IL1RAPL1: variants seen among roughly 807,000 people sequenced by gnomAD.
The protein encoded by IL1RAPL1 is interleukin-1 receptor accessory protein-like 1.
A neutral mutation model predicts 48.4 loss-of-function variants in IL1RAPL1; 3 were observed. The ratio of observed to expected loss-of-function variants is 0.06; its 90% CI spans 0.03 to 0.16. The LOEUF (loss-of-function observed/expected upper bound fraction) is 0.16. IL1RAPL1 is among the 10% of genes least tolerant of loss of function. The pLI, the probability that IL1RAPL1 is intolerant of heterozygous loss-of-function variation, is 1.00. For missense variants in IL1RAPL1, 349 were observed against 530.6 expected (o/e 0.66, Z 3.36); for synonymous variants, 185 against 187.7 (o/e 0.99, Z 0.12).
At chrX:29,917,406 C>T in intron 6 of IL1RAPL1, 58 bp from the exon 7 acceptor site, 3 of 1,109,168 alleles carry the variant, frequency 2.7e-6, no homozygotes, top group Non-Finnish European at 3.7e-6. Context: ...TGTCAGTTTG[C>T]CTAAAATAAG....
At chrX:29,841,707 C>G in intron 6 of IL1RAPL1, among the ~76,000 whole-genome samples, 1 of 111,244 alleles carries the variant, frequency 9.0e-6, no homozygotes, top group Non-Finnish European at 1.9e-5. Context: ...TTGGGTTACT[C>G]AGAACAATCG....
intron 1 of IL1RAPL1, among the ~76,000 whole-genome samples, chrX:28,733,136 TTA>T (rs759306785): frequency 1.9e-5 from 2 of 107,674 alleles, no homozygotes; most frequent in Non-Finnish European, 3.8e-5. Context: ...GCACACACAG[TTA>T]TATATATATA....
At chrX:28,622,087 G>T (rs1370090345) in intron 1 of IL1RAPL1, among the ~76,000 whole-genome samples, 1 of 111,095 alleles carries the variant, frequency 9.0e-6, no homozygotes, top group Non-Finnish European at 1.9e-5. Context: ...AGCTAGAAAA[G>T]TACTATAAGA....
intron 2 of IL1RAPL1, among the ~76,000 whole-genome samples, chrX:28,925,339 T>G (rs776081524): frequency 3.6e-5 from 4 of 111,709 alleles, no homozygotes; most frequent in Non-Finnish European, 7.5e-5. Flanking sequence ...ACTAAATCAT[T>G]CGTGATACAT....
intron 2 of IL1RAPL1, among the ~76,000 whole-genome samples, chrX:29,048,279 A>G (rs1163071853): frequency 8.9e-6 from 1 of 112,263 alleles, no homozygotes; most frequent in Non-Finnish European, 1.9e-5. Flanking sequence ...CCATCCTACT[A>G]ATAAATATGG....
chrX:29,349,824 C>T (rs1009904941), intron 3 of IL1RAPL1, among the ~76,000 whole-genome samples: 1 of 109,272 alleles, frequency 9.2e-6, no homozygotes, highest in Non-Finnish European at 1.9e-5. Context: ...TGGTGCTCAG[C>T]GGCAGTATAA....
At chrX:29,117,788 T>TA (rs971323064) in intron 2 of IL1RAPL1, among the ~76,000 whole-genome samples, 2 of 111,294 alleles carry the variant, frequency 1.8e-5, no homozygotes, top group African/African-American at 6.5e-5. Flanking sequence ...ACCCCAGTCA[T>TA]AATACCAGCC....
At chrX:29,915,892 CT>C (rs1932796538) in intron 6 of IL1RAPL1, among the ~76,000 whole-genome samples, 1 of 37,514 alleles carries the variant, frequency 2.7e-5, no homozygotes, top group South Asian at 2.5e-3. Context: ...AATGCTATCC[CT>C]CCCCCCTCCC....
At chrX:29,741,124 T>A (rs2079570092) in intron 6 of IL1RAPL1, among the ~76,000 whole-genome samples, 1 of 112,531 alleles carries the variant, frequency 8.9e-6, no homozygotes, top group Non-Finnish European at 1.9e-5. Context: ...CAGTTTTGCT[T>A]GAAATAAGAC....
chrX:29,916,899 ATG>A (rs762963289), intron 6 of IL1RAPL1, among the ~76,000 whole-genome samples: 1 of 111,899 alleles, frequency 8.9e-6, no homozygotes, highest in Non-Finnish European at 1.9e-5. Flanking sequence ...TTGTTTTTTA[ATG>A]TGTTTTTCTA....
chrX:29,608,563 A>G (rs922967510), intron 5 of IL1RAPL1, among the ~76,000 whole-genome samples: 20 of 111,349 alleles, frequency 1.8e-4, no homozygotes, highest in Admixed American at 1.7e-3. Context: ...GCGGTGGCTT[A>G]TGCCTGTAAT....
At chrX:29,449,534 TTGG>T (rs1934650824) in intron 5 of IL1RAPL1, among the ~76,000 whole-genome samples, 1 of 110,853 alleles carries the variant, frequency 9.0e-6, no homozygotes, top group Non-Finnish European at 1.9e-5. Context: ...TCATACCCAC[TTGG>T]TGGTCATTTT....
At chrX:28,817,129 C>T (rs189115037) in intron 2 of IL1RAPL1, among the ~76,000 whole-genome samples, 1 of 110,646 alleles carries the variant, frequency 9.0e-6, no homozygotes, top group Admixed American at 9.7e-5. Context: ...CTTCATGAAA[C>T]TTATAACCTC....
intron 3 of IL1RAPL1, among the ~76,000 whole-genome samples, chrX:29,332,640 AT>A (rs1254137995): frequency 4.2e-5 from 4 of 96,004 alleles, no homozygotes; most frequent in African/African-American, 1.8e-4. Context: ...TTATTTATTT[AT>A]TTATTTATTT....
intron 2 of IL1RAPL1, among the ~76,000 whole-genome samples, chrX:28,853,999 T>C (rs1270714285): frequency 1.8e-5 from 2 of 111,788 alleles, no homozygotes; most frequent in African/African-American, 6.5e-5. Context: ...GTGTGAAACA[T>C]GGAGGAACAC....
At chrX:29,642,787 C>T (rs575634739) in intron 5 of IL1RAPL1, among the ~76,000 whole-genome samples, 15 of 112,173 alleles carry the variant, frequency 1.3e-4, no homozygotes, top group South Asian at 7.4e-4. Context: ...TTATGTGCTA[C>T]GGCATGAGAA....
Position 28,854,598 on chromosome X carries a change from C to A in IL1RAPL1, c.82+65173C>A, listed in dbSNP as rs188150106. ...TCAGCAAATAATTAGTAGGTAAAAT[C>A]ACTGGAATGCATGTGATGACACACC... On this transcript the variant is annotated intron_variant, in intron 2 of 10. Transcript: ENST00000378993. Among the ~76,000 whole-genome samples, 110 of 111,247 alleles carry A rather than the reference C, an allele frequency of 9.9e-4. 1 individual carries two copies. Among genetic ancestry groups the A allele is most frequent in the Non-Finnish European group, 1.8e-3 (98 of 52,982 alleles).
At chrX:28,924,238 C>T (rs1923683712) in intron 2 of IL1RAPL1, 1 of 111,997 alleles carries the variant, frequency 8.9e-6, no homozygotes, top group Admixed American at 9.5e-5. Context: ...ATTTGCTGTG[C>T]CAACATTTAA....
intron 3 of IL1RAPL1, among the ~76,000 whole-genome samples, chrX:29,376,430 G>A (rs1410375285): frequency 9.1e-6 from 1 of 109,491 alleles, no homozygotes; most frequent in East Asian, 2.9e-4. Context: ...GAGTGCAGTG[G>A]CATGATCATG....
Sources: gnomAD v4.1 joint callset for allele counts (sites outside exome capture counted in the v4.1 genomes callset) on GRCh38, gnomAD v4.1.1 for gene constraint, MANE v1.5 for transcripts, NCBI Gene and HGNC (gene_info 2026-07-23, HGNC 2026-07-21) for gene names.